RAB38: variants seen among roughly 807,000 people sequenced by gnomAD.
RAB38 encodes the protein RAB38, member RAS oncogene family, also known as ras-related protein Rab-38.
RAB38 carries 15 observed loss-of-function variants against 18.4 expected under a neutral mutation model. The ratio of observed to expected loss-of-function variants is 0.82; its 90% CI spans 0.55 to 1.26. The LOEUF is 1.26. RAB38 is among the 50% of genes most tolerant of loss of function. RAB38 has a pLI of 0.00. For synonymous variants in RAB38, 101 were observed against 104.4 expected, an observed-to-expected ratio of 0.97 and a Z score of 0.20; for missense variants, 294 against 267.4, an observed-to-expected ratio of 1.10 and a Z score of -0.69.
At chr11:87,951,834 A>G in the RAB38 span, among the ~76,000 whole-genome samples, 1 of 151,908 alleles carries the variant, frequency 6.6e-6, no homozygotes, top group Admixed American at 6.6e-5. Context: ...CAGTTAGGCT[A>G]CTCGGGTGTC....
At chr11:88,131,207 C>T (rs1942763832) in intron 2 of RAB38, among the ~76,000 whole-genome samples, 1 of 152,160 alleles carries the variant, frequency 6.6e-6, no homozygotes, top group East Asian at 1.9e-4. Context: ...AAATAGTTCA[C>T]CATAGAAATC....
At chr11:88,027,134 G>A in the RAB38 span, among the ~76,000 whole-genome samples, 1 of 151,852 alleles carries the variant, frequency 6.6e-6, no homozygotes, top group Admixed American at 6.6e-5. Flanking sequence ...GCTTGAGAAA[G>A]TTTCCTTTCT....
the RAB38 span, among the ~76,000 whole-genome samples, chr11:87,904,980 C>G: frequency 4.6e-5 from 7 of 151,820 alleles, no homozygotes; most frequent in South Asian, 8.3e-4. Context: ...TCTCCCATCC[C>G]TAAGTCTCTT....
chr11:87,820,840 T>A, the RAB38 span, among the ~76,000 whole-genome samples: 4 of 152,154 alleles, frequency 2.6e-5, no homozygotes, highest in Non-Finnish European at 1.5e-5. Context: ...GTGACCATAC[T>A]GGGAATAGTT....
chr11:88,092,009 G>A, the RAB38 span, among the ~76,000 whole-genome samples: 1 of 151,842 alleles, frequency 6.6e-6, no homozygotes, highest in African/African-American at 2.4e-5. Flanking sequence ...GCCATGGAAA[G>A]CAGTGGTAGC....
At chr11:88,166,033 G>T (rs1166662003) in intron 1 of RAB38, 1 of 152,068 alleles carries the variant, frequency 6.6e-6, no homozygotes, top group African/African-American at 2.4e-5. Flanking sequence ...TTTCAGATAG[G>T]TCTTAGACAT....
chr11:87,905,134 T>A, the RAB38 span, among the ~76,000 whole-genome samples: 3 of 151,766 alleles, frequency 2.0e-5, no homozygotes. Flanking sequence ...CTGATGCTTT[T>A]CTGTAGTTTA....
chr11:87,963,417 A>G, the RAB38 span, among the ~76,000 whole-genome samples: 2 of 152,174 alleles, frequency 1.3e-5, no homozygotes, highest in African/African-American at 2.4e-5. Flanking sequence ...ATAATGCAAC[A>G]TATACATACA....
chr11:88,111,903 G>A (rs1466513107), downstream of RAB38, among the ~76,000 whole-genome samples: 1 of 152,156 alleles, frequency 6.6e-6, no homozygotes, highest in Admixed American at 6.5e-5. Context: ...CCACTTCTAT[G>A]AGACCCTGGA....
At chr11:87,831,409 A>G in the RAB38 span, among the ~76,000 whole-genome samples, 2 of 152,194 alleles carry the variant, frequency 1.3e-5, no homozygotes, top group East Asian at 3.9e-4. Flanking sequence ...GCCAAAGAGC[A>G]TGGATCAGGG....
At chr11:87,947,522 G>T in the RAB38 span, among the ~76,000 whole-genome samples, 1 of 152,094 alleles carries the variant, frequency 6.6e-6, no homozygotes, top group Non-Finnish European at 1.5e-5. Context: ...ATGGTTTCAG[G>T]TCTAACATTT....
the RAB38 span, among the ~76,000 whole-genome samples, chr11:87,903,397 T>C: frequency 4.6e-5 from 7 of 151,500 alleles, no homozygotes; most frequent in Admixed American, 4.6e-4. Context: ...AAACTTTCAA[T>C]ATTGGGGAAA....
chr11:88,119,166 G>A (rs1565208832), intron 2 of RAB38, among the ~76,000 whole-genome samples: 2 of 151,788 alleles, frequency 1.3e-5, no homozygotes, highest in African/African-American at 2.4e-5. Context: ...TATGTTACCA[G>A]GGCCCTCCTT....
chr11:87,920,072 C>T, the RAB38 span, among the ~76,000 whole-genome samples: 42 of 151,838 alleles, frequency 2.8e-4, no homozygotes, highest in African/African-American at 9.4e-4. Flanking sequence ...GTCAATTTTG[C>T]TTGTCTTTTC....
the RAB38 span, among the ~76,000 whole-genome samples, chr11:87,899,498 C>T: frequency 2.0e-5 from 3 of 151,758 alleles, no homozygotes; most frequent in East Asian, 5.9e-4. Context: ...CAGTGCTAAG[C>T]ACATTTTTTG....
the RAB38 span, among the ~76,000 whole-genome samples, chr11:87,845,557 A>G: frequency 1.3e-5 from 2 of 152,272 alleles, no homozygotes; most frequent in African/African-American, 4.8e-5. Context: ...ATGATATCAA[A>G]GATTGAATAC....
intron 2 of RAB38, among the ~76,000 whole-genome samples, chr11:88,135,739 T>C (rs1942827897): frequency 6.6e-6 from 1 of 152,198 alleles, no homozygotes. Context: ...AAGAGACTCA[T>C]CCAGGAAGAG....
At chr11:88,043,670 A>G in the RAB38 span, among the ~76,000 whole-genome samples, 2 of 130,166 alleles carry the variant, frequency 1.5e-5, no homozygotes, top group Non-Finnish European at 3.1e-5. Flanking sequence ...CCCAAATCTT[A>G]TAAAATGTCC....
At chr11:87,821,202 A>C in the RAB38 span, among the ~76,000 whole-genome samples, 3 of 152,226 alleles carry the variant, frequency 2.0e-5, no homozygotes, top group Non-Finnish European at 4.4e-5. Context: ...AATAAAGAAC[A>C]AAGCACATTT....
Sources: gnomAD v4.1 joint callset for allele counts (sites outside exome capture counted in the v4.1 genomes callset) on GRCh38, gnomAD v4.1.1 for gene constraint, MANE v1.5 for transcripts, NCBI Gene and HGNC (gene_info 2026-07-23, HGNC 2026-07-21) for gene names.